The following GRIK3 variants were observed in gnomAD, a reference collection of about 807,000 sequenced individuals.
The protein encoded by GRIK3 is glutamate ionotropic receptor kainate type subunit 3, also known as glutamate receptor ionotropic, kainate 3.
Under a neutral mutation model 102.5 loss-of-function variants are expected in GRIK3, and 29 were observed. That is an observed-to-expected ratio of 0.28 (90% CI 0.21 to 0.39). The LOEUF (loss-of-function observed/expected upper bound fraction) is 0.39, where lower values mean the gene tolerates loss of function less well. Among genes scored for constraint, GRIK3 ranks in the 10% least tolerant of loss-of-function variants. The probability of loss-of-function intolerance (pLI) is 1.00; values close to 1 mark genes in which losing one functional copy is unlikely to be tolerated. For missense variants in GRIK3, 908 were observed against 1,252.4 expected, an observed-to-expected ratio of 0.73 and a Z score of 4.15; for synonymous variants, 511 against 504.9, an observed-to-expected ratio of 1.01 and a Z score of -0.16.
rs745659822 is a variant in GRIK3 at position 36,872,237 on chromosome 1, C to A, written c.683G>T (p.Arg228Leu). Residue 228 changes from arginine to leucine, a missense_variant, in exon 4 of 16, where the codon CGC (arginine) becomes CTC (leucine). Around this residue, in one of 3 missense-constraint regions of GRIK3, gnomAD observed 585 missense variants for 824.9 expected, o/e 0.71. Transcript: ENST00000373091. This position sits in a 1 kb window ranked among gnomAD's most constrained non-coding sequence, Gnocchi z 5.9. ...LKEMKRGREF[R>L]IIFDCSHTMA... is the part of the protein sequence containing the mutation. Reference sequence around the variant, plus strand: ...AGTGTGGCTGCAGTCGAAGATAATGCGGAATTCCCGGCCTCGCTTCATCTC... The same window carrying A: ...AGTGTGGCTGCAGTCGAAGATAATGAGGAATTCCCGGCCTCGCTTCATCTC... The A allele has an allele frequency of 1.2e-6, 2 of 1,611,686 alleles. No individual in the cohort carries two copies. The highest frequency in any genetic ancestry group is 1.1e-5 in the South Asian group (1 of 90,536).
At chr1:36,982,979 C>T (rs978334712) in intron 1 of GRIK3, among the ~76,000 whole-genome samples, 1 of 152,200 alleles carries the variant, frequency 6.6e-6, no homozygotes, top group African/African-American at 2.4e-5. Flanking sequence ...CAAGAGCGAG[C>T]CCTGGCCGAG....
intron 9 of GRIK3, among the ~76,000 whole-genome samples, chr1:36,846,766 G>A (rs1178027096): frequency 6.6e-6 from 1 of 152,252 alleles, no homozygotes; most frequent in Non-Finnish European, 1.5e-5. Flanking sequence ...AGACCATGCA[G>A]AGCCTTTTGG....
chr1:36,951,786 G>A (rs545954250), intron 1 of GRIK3, among the ~76,000 whole-genome samples: 3 of 151,998 alleles, frequency 2.0e-5, no homozygotes, highest in African/African-American at 4.8e-5. Flanking sequence ...TGAGGAAGAC[G>A]AGGAGGAGGG....
chr1:36,906,320 TGAGACTCAGTTTCTCC>T (rs138808210), intron 1 of GRIK3, among the ~76,000 whole-genome samples: 7,329 of 152,210 alleles, frequency 0.048, 460 homozygotes, highest in African/African-American at 0.14. Context: ...TCAGACTCTC[TGAGACTCAGTTTCTCC>T]GAGACTCAGT....
chr1:36,857,193 C>T (rs1403075121), intron 7 of GRIK3, among the ~76,000 whole-genome samples: 2 of 152,124 alleles, frequency 1.3e-5, no homozygotes, highest in African/African-American at 4.8e-5. Flanking sequence ...CCAAATTTCC[C>T]GATTGAGCCA....
chr1:36,898,991 G>A (rs1441251958), intron 1 of GRIK3, among the ~76,000 whole-genome samples: 5 of 152,094 alleles, frequency 3.3e-5, no homozygotes, highest in African/African-American at 9.7e-5. Context: ...GTAAAAGAAT[G>A]AATTTGGATC....
At chr1:37,010,810 C>T (rs1041165572) in intron 1 of GRIK3, among the ~76,000 whole-genome samples, 1 of 149,678 alleles carries the variant, frequency 6.7e-6, no homozygotes, top group Non-Finnish European at 1.5e-5. Context: ...GGCGCAATCT[C>T]GGCTCACTGC....
At chr1:36,803,709 G>A (rs1426809641) in intron 15 of GRIK3, among the ~76,000 whole-genome samples, 2 of 152,186 alleles carry the variant, frequency 1.3e-5, no homozygotes, top group Non-Finnish European at 1.5e-5. Flanking sequence ...GATTACAGGC[G>A]TGAGCCACCG....
rs1347281291 is a variant in GRIK3 at position 37,012,672 on chromosome 1, C to T, written c.115+21322G>A. On this transcript the variant is annotated intron_variant, in intron 1 of 15. Transcript: ENST00000373091. Reference sequence around the variant, plus strand: ...AAAAACGAGGTGGGTACTGTGTTCCCAAGGTGACAGAGCAACTAAACGCTA... The same window carrying T: ...AAAAACGAGGTGGGTACTGTGTTCCTAAGGTGACAGAGCAACTAAACGCTA... 2.0e-5 allele frequency among the ~76,000 whole-genome samples: 3 copies of T among 152,156 alleles called. No individual in the cohort carries two copies. The East Asian group carries it at 5.8e-4, about 29-fold the overall frequency.
intron 1 of GRIK3, among the ~76,000 whole-genome samples, chr1:36,927,094 T>A (rs1414089145): frequency 6.6e-6 from 1 of 152,162 alleles, no homozygotes; most frequent in African/African-American, 2.4e-5. Context: ...AAATTGAGCG[T>A]CAAAGAGCAT....
At chr1:36,818,670 G>A (rs1570741891) in intron 12 of GRIK3, among the ~76,000 whole-genome samples, 1 of 152,328 alleles carries the variant, frequency 6.6e-6, no homozygotes, top group Middle Eastern at 3.4e-3. Flanking sequence ...CACAGAGCCT[G>A]GCATGTAGTG....
chr1:36,869,174 TGTTCTCAGA>T (rs1384903867), intron 5 of GRIK3, among the ~76,000 whole-genome samples: 3 of 152,164 alleles, frequency 2.0e-5, no homozygotes, highest in Non-Finnish European at 4.4e-5. Context: ...TGGCCCTAAA[TGTTCTCAGA>T]GTTTGGACAG....
At chr1:36,935,908 G>T (rs940690318) in intron 1 of GRIK3, among the ~76,000 whole-genome samples, 3 of 152,272 alleles carry the variant, frequency 2.0e-5, no homozygotes, top group South Asian at 2.1e-4. Flanking sequence ...TTGCCGCCCC[G>T]ACTCCCTCAG....
intron 1 of GRIK3, among the ~76,000 whole-genome samples, chr1:37,030,542 A>G (rs866957776): frequency 1.9e-5 from 1 of 51,514 alleles, no homozygotes; most frequent in African/African-American, 8.7e-5. Context: ...CCCACCCCCC[A>G]CCCCCTCCCC....
chr1:36,877,196 C>T (rs909562440), intron 3 of GRIK3, among the ~76,000 whole-genome samples: 1 of 152,184 alleles, frequency 6.6e-6, no homozygotes, highest in East Asian at 1.9e-4. Flanking sequence ...GATAAAGCAC[C>T]TTTTCCTCTG....
intron 2 of GRIK3, among the ~76,000 whole-genome samples, chr1:36,885,675 C>T (rs1479621995): frequency 6.6e-6 from 1 of 152,158 alleles, no homozygotes; most frequent in Non-Finnish European, 1.5e-5. Context: ...CTGAGGACTT[C>T]CCAGCTGGGA....
Position 37,033,991 on chromosome 1 carries a change from TA to T in GRIK3, c.115+2del. 1 of 1,566,052 alleles carries T rather than the reference TA, an allele frequency of 6.4e-7. No individual in the cohort carries two copies. Among genetic ancestry groups the T allele is most frequent in the South Asian group, 1.1e-5 (1 of 87,082 alleles). ...GAGACCCCCGGCTCCAGGGAGCGCT[TA>T]CCGATCCGGATGACGTGGGGCATCC... On this transcript the variant is annotated splice_donor_variant, in intron 1 of 15. Coordinates refer to ENST00000373091, the MANE Select transcript of GRIK3 (RefSeq NM_000831.4). LOFTEE classifies it high-confidence loss of function.
intron 1 of GRIK3, among the ~76,000 whole-genome samples, chr1:36,967,781 G>C (rs1429472827): frequency 6.6e-6 from 1 of 152,170 alleles, no homozygotes. Context: ...ACTCTCTAAG[G>C]CTCTGTTTTT....
intron 7 of GRIK3, among the ~76,000 whole-genome samples, chr1:36,854,048 C>T (rs533297271): frequency 6.6e-6 from 1 of 152,202 alleles, no homozygotes; most frequent in Non-Finnish European, 1.5e-5. Flanking sequence ...GGGAGGCAGG[C>T]GGGCAGAGTA....
Sources: allele counts gnomAD v4.1 joint callset (sites outside exome capture counted in the v4.1 genomes callset), GRCh38; gene constraint gnomAD v4.1.1; regional missense constraint gnomAD v4.1.1; non-coding constraint Gnocchi (gnomAD v3.1); transcripts MANE v1.5; gene names NCBI Gene and HGNC (gene_info 2026-07-23, HGNC 2026-07-21).